PRCC: variants seen among roughly 807,000 people sequenced by gnomAD.
PRCC encodes proline-rich protein PRCC.
A neutral mutation model predicts 44.0 loss-of-function variants in PRCC; 10 were observed. The observed-to-expected ratio is 0.23, with a 90% CI of 0.14 to 0.39. The LOEUF (loss-of-function observed/expected upper bound fraction) is 0.39, where lower values mean the gene tolerates loss of function less well. PRCC is among the 10% of genes least tolerant of loss of function. PRCC has a pLI of 1.00. For missense variants in PRCC, 573 were observed against 624.7 expected (o/e 0.92, Z 0.88); for synonymous variants, 278 against 259.5 (o/e 1.07, Z -0.69).
In PRCC at chr1:156,774,157, C is replaced by CTTTTTTTTTTTTTTTTTTTTTTTTTTT. The variant is rs76271348; in HGVS notation, c.468+5928_468+5954dup. On this transcript the variant is annotated intron_variant, in intron 1 of 6. Transcript: ENST00000271526. ...GAGTTTCTTTCTTTTTTTGAGTCAC[C>CTTTTTTTTTTTTTTTTTTTTTTTTTTT]TTTTTTTTTTTTTTTTTTTTTTTTT... Among the ~76,000 whole-genome samples, 4 of 54,000 alleles carry CTTTTTTTTTTTTTTTTTTTTTTTTTTT rather than the reference C, an allele frequency of 7.4e-5. 1 individual carries two copies. The highest frequency in any genetic ancestry group is 8.2e-5 in the African/African-American group (1 of 12,136). 35.4% of individuals were successfully genotyped at this position (54,000 alleles called of 152,430 possible).
At chr1:156,789,449 GA>G (rs1029395068) in intron 3 of PRCC, among the ~76,000 whole-genome samples, 2 of 152,178 alleles carry the variant, frequency 1.3e-5, no homozygotes, top group South Asian at 2.1e-4. Flanking sequence ...ATAGCTTCCT[GA>G]AATGTGGATG....
At chr1:156,777,520 G>A (rs1265404230) in intron 1 of PRCC, among the ~76,000 whole-genome samples, 1 of 151,016 alleles carries the variant, frequency 6.6e-6, no homozygotes, top group East Asian at 1.9e-4. Context: ...TTTCCCTTAC[G>A]GGTTAAAAAA....
At chr1:156,783,940 T>C (rs958510639) in intron 2 of PRCC, among the ~76,000 whole-genome samples, 2 of 145,978 alleles carry the variant, frequency 1.4e-5, no homozygotes, top group Non-Finnish European at 3.0e-5. Flanking sequence ...TTGTATTTAT[T>C]TATTTAATTT....
intron 2 of PRCC, among the ~76,000 whole-genome samples, chr1:156,783,847 A>G (rs1264837867): frequency 2.0e-5 from 3 of 152,138 alleles, no homozygotes; most frequent in Non-Finnish European, 2.9e-5. Flanking sequence ...CTCCTGACTC[A>G]GTTAAAGTTG....
chr1:156,770,761 C>T (rs939835999), intron 1 of PRCC, among the ~76,000 whole-genome samples: 11 of 152,334 alleles, frequency 7.2e-5, no homozygotes, highest in Admixed American at 5.9e-4. Context: ...GCTCTTAGTA[C>T]GCATTTGAAA....
At chr1:156,782,216 A>G (rs1652071779) in intron 1 of PRCC, 66 bp from the exon 2 acceptor site, 11 of 1,426,558 alleles carry the variant, frequency 7.7e-6, no homozygotes, top group South Asian at 1.2e-5. Flanking sequence ...CATATGTGCT[A>G]TATTTAATGT....
intron 2 of PRCC, among the ~76,000 whole-genome samples, chr1:156,784,404 A>G (rs146708871): frequency 3.9e-5 from 6 of 152,306 alleles, no homozygotes; most frequent in Non-Finnish European, 7.4e-5. Flanking sequence ...GTAAAGAACA[A>G]TCTTCCAGGT....
At position 156,768,062 on chromosome 1, in the gene PRCC, C is replaced by T; in HGVS notation, c.291C>T (p.Ser97=). The change falls in exon 1 of 7, where the codon AGC becomes AGT. Residue 97 remains serine, a synonymous_variant. Coordinates refer to ENST00000271526, the MANE Select transcript of PRCC (RefSeq NM_005973.5). The stretch of plus-strand genomic sequence containing the variant: ...GCTTCCCCCCACCTCCAGGCGTGAG[C>T]CCGGCTGAAGCGGCGGGAGTTGGGG... The part of the protein sequence containing the change: ...LGGFPPPPGV[S]PAEAAGVGEG... The T allele has an allele frequency of 1.3e-6, 2 of 1,590,880 alleles. No individual in the cohort carries two copies. The highest frequency in any genetic ancestry group is 1.7e-6 in the Non-Finnish European group (2 of 1,168,098).
rs35911411 is a variant in PRCC, at chr1:156,795,285, G to GTTTTTTTTTTTTTTT, written c.1323+487_1323+501dup. Among the ~76,000 whole-genome samples the GTTTTTTTTTTTTTTT allele has an allele frequency of 8.6e-4, 31 of 36,062 alleles. 9 individuals are homozygous for GTTTTTTTTTTTTTTT. Among genetic ancestry groups the GTTTTTTTTTTTTTTT allele is most frequent in the South Asian group, 4.0e-3 (2 of 498 alleles). 23.7% of individuals were successfully genotyped at this position (36,062 alleles called of 152,430 possible). On this transcript the variant is annotated intron_variant, in intron 5 of 6. Transcript: ENST00000271526. ...CTTCCAATTGTTTTCATTTTCTGGT[G>GTTTTTTTTTTTTTTT]TTTTTTTTTTTTTTTTTTTTTTTTC...
Position 156,768,036 on chromosome 1 carries a change from G to A in PRCC, c.265G>A (p.Gly89Ser), listed in dbSNP as rs1449784813. ...PPPPLPFGLG[G>S]FPPPPGVSPA... The stretch of plus-strand genomic sequence containing the variant: ...TCCCCCCTTGCCCTTCGGCCTGGGA[G>A]GCTTCCCCCCACCTCCAGGCGTGAG... The change falls in exon 1 of 7, where the codon GGC (glycine) becomes AGC (serine). Residue 89 changes from glycine (G) to serine (S), a missense_variant. Gly to Ser is a moderately conservative substitution (Grantham distance 56). Transcript: ENST00000271526. 6.3e-7 allele frequency: 1 copy of A among 1,576,226 alleles called. No individual in the cohort carries two copies. Among genetic ancestry groups the A allele is most frequent in the South Asian group, 1.2e-5 (1 of 86,582 alleles).
chr1:156,777,968 G>T (rs1297170246), intron 1 of PRCC, among the ~76,000 whole-genome samples: 2 of 152,190 alleles, frequency 1.3e-5, no homozygotes, highest in Non-Finnish European at 2.9e-5. Context: ...TAGGATACAA[G>T]ATGATGTTAA....
chr1:156,795,114 C>G (rs1215887309), intron 5 of PRCC, among the ~76,000 whole-genome samples: 3 of 152,070 alleles, frequency 2.0e-5, no homozygotes, highest in African/African-American at 7.2e-5. Context: ...CACAGCTGCT[C>G]TACTCTTGCC....
rs116817225 is a variant in PRCC, at chr1:156,788,083, G to A, written c.1083+909G>A. 4.9e-3 allele frequency among the ~76,000 whole-genome samples: 745 copies of A among 152,200 alleles called. 12 individuals are homozygous for A. The highest frequency in any genetic ancestry group is 0.017 in the African/African-American group (712 of 41,520). ...ACTTCTGGCCTTAAGGGATCTGCCC[G>A]TTGCAGCCTCCTAAAGTGATGGAAT... On this transcript the variant is annotated intron_variant, in intron 3 of 6. Coordinates refer to ENST00000271526, the MANE Select transcript of PRCC (RefSeq NM_005973.5).
chr1:156,774,872 A>C (rs961265045), intron 1 of PRCC, among the ~76,000 whole-genome samples: 9 of 149,002 alleles, frequency 6.0e-5, no homozygotes, highest in African/African-American at 1.0e-4. Flanking sequence ...AATTGCTTGA[A>C]CCCGGAAGGC....
At chr1:156,783,949 T>TC (rs1241450220) in intron 2 of PRCC, among the ~76,000 whole-genome samples, 1 of 149,138 alleles carries the variant, frequency 6.7e-6, no homozygotes, top group East Asian at 2.0e-4. Flanking sequence ...TTTATTTAAT[T>TC]TTTTTTTTTT....
chr1:156,791,774 CT>C lies in PRCC; in HGVS notation c.1163del (p.Phe388SerfsTer39). 1 of 1,613,900 alleles carries C rather than the reference CT, an allele frequency of 6.2e-7. No individual in the cohort carries two copies. Among genetic ancestry groups the C allele is most frequent in the Non-Finnish European group, 8.5e-7 (1 of 1,179,918 alleles). ...CCCAGGAAATTGCCCCAGATGCCTC[CT>C]TCATCGATGACGAAGCAGTAAGTTA... ...PPQEIAPDAS[F>X]IDDEAFKRLQ... On this transcript the variant is annotated frameshift_variant, in exon 4 of 7. Transcript: ENST00000271526. LOFTEE classifies it high-confidence loss of function.
At chr1:156,792,538 C>T (rs1273128458) in intron 4 of PRCC, among the ~76,000 whole-genome samples, 3 of 152,190 alleles carry the variant, frequency 2.0e-5, no homozygotes, top group Non-Finnish European at 4.4e-5. Flanking sequence ...ACCTCTGCCT[C>T]CCAGGCTCAA....
Position 156,767,753 on chromosome 1 carries a change from C to A in PRCC, c.-19C>A, listed in dbSNP as rs772954728. 14 of 1,573,866 alleles carry A rather than the reference C, an allele frequency of 8.9e-6. 1 individual carries two copies. The South Asian group carries it at 1.4e-4, about 16-fold the overall frequency. On this transcript the variant is annotated 5_prime_UTR_variant, in exon 1 of 7. Coordinates refer to ENST00000271526, the MANE Select transcript of PRCC (RefSeq NM_005973.5). ...AGGCCTCATCTGCCGGCAAGGGCGC[C>A]CGAAACGCGGGAGGCGCCATGTCGC...
chr1:156,791,250 C>A, intron 3 of PRCC: 2 of 929,864 alleles, frequency 2.2e-6, no homozygotes, highest in Non-Finnish European at 3.2e-6. Context: ...CCTGTATCCA[C>A]AGGACCAAAC....
Sources: gnomAD v4.1 joint callset for allele counts (sites outside exome capture counted in the v4.1 genomes callset) on GRCh38, gnomAD v4.1.1 for gene constraint, MANE v1.5 for transcripts, NCBI Gene and HGNC (gene_info 2026-07-23, HGNC 2026-07-21) for gene names.